CBL: variants seen among roughly 807,000 people sequenced by gnomAD.
CBL encodes the protein E3 ubiquitin-protein ligase CBL.
CBL carries 45 observed loss-of-function variants against 96.9 expected under a neutral mutation model. The ratio of observed to expected loss-of-function variants is 0.46; its 90% CI spans 0.37 to 0.60. CBL has a LOEUF of 0.60. CBL is among the 20% of genes least tolerant of loss of function. The pLI, the probability that CBL is intolerant of heterozygous loss-of-function variation, is 0.00. For missense variants in CBL, 1,024 were observed against 1,143.5 expected (o/e 0.90, Z 1.51); for synonymous variants, 420 against 426.8 (o/e 0.98, Z 0.20).
At chr11:119,220,576 G>A (rs1650368097) in intron 1 of CBL, among the ~76,000 whole-genome samples, 1 of 152,160 alleles carries the variant, frequency 6.6e-6, no homozygotes, top group African/African-American at 2.4e-5. Context: ...TCCAATGTGG[G>A]CGACAGAGTG....
intron 2 of CBL, among the ~76,000 whole-genome samples, chr11:119,251,922 A>G (rs928316217): frequency 3.3e-5 from 5 of 152,186 alleles, no homozygotes; most frequent in Admixed American, 6.5e-5. Context: ...ACAAGCCCCA[A>G]AACTGGCTAC....
At position 119,230,560 on chromosome 11, in the gene CBL, C is replaced by T. The variant is rs142193240; in HGVS notation, c.196-1888C>T. On this transcript the variant is annotated intron_variant, in intron 1 of 15. Coordinates refer to ENST00000264033, the MANE Select transcript of CBL (RefSeq NM_005188.4). ...GCTAATAGCAAGAAAACTTAGAAGA[C>T]ATAGAATTGTTATCAAGACAGTGAG... Among the ~76,000 whole-genome samples the T allele has an allele frequency of 5.5e-4, 83 of 152,288 alleles. 1 individual carries two copies. The East Asian group carries it at 0.013, about 23-fold the overall frequency.
At chr11:119,241,783 T>C (rs1949588351) in intron 2 of CBL, among the ~76,000 whole-genome samples, 2 of 152,128 alleles carry the variant, frequency 1.3e-5, no homozygotes. Flanking sequence ...GCAACATGGG[T>C]CCTGAAAAAG....
chr11:119,296,778 G>C, intron 12 of CBL, 140 bp from the exon 13 acceptor site: 1 of 666,106 alleles, frequency 1.5e-6, no homozygotes, highest in Non-Finnish European at 2.7e-6. Context: ...GTCTTGGTCA[G>C]CAGAAATAAT....
intron 12 of CBL, among the ~76,000 whole-genome samples, chr11:119,292,179 A>G (rs1219557534): frequency 2.0e-5 from 3 of 152,100 alleles, no homozygotes; most frequent in Non-Finnish European, 2.9e-5. Context: ...GACACTAACT[A>G]GAACCAAACC....
At chr11:119,260,729 C>T (rs1411417951) in intron 2 of CBL, among the ~76,000 whole-genome samples, 9 of 151,996 alleles carry the variant, frequency 5.9e-5, no homozygotes, top group Non-Finnish European at 1.2e-4. Context: ...GCCCCTGTTA[C>T]TTTTCTATCT....
In CBL at chr11:119,227,469, A is replaced by T. The variant is rs1309837895; in HGVS notation, c.196-4979A>T. Reference sequence around the variant, plus strand: ...TTTCAACTCTTAGCCTCAATGTCGCATCAGAAAAGCCTTATCTACTAGTCA... The same window carrying T: ...TTTCAACTCTTAGCCTCAATGTCGCTTCAGAAAAGCCTTATCTACTAGTCA... On this transcript the variant is annotated intron_variant, in intron 1 of 15. Transcript: ENST00000264033. 2.6e-5 allele frequency among the ~76,000 whole-genome samples: 4 copies of T among 152,118 alleles called. No individual in the cohort carries two copies. In the East Asian group the frequency reaches 7.7e-4, roughly 29 times the overall value.
At chr11:119,226,563 T>C (rs1475218852) in intron 1 of CBL, among the ~76,000 whole-genome samples, 4 of 152,058 alleles carry the variant, frequency 2.6e-5, no homozygotes, top group African/African-American at 9.7e-5. Flanking sequence ...GTTCAAGCAA[T>C]TCTCTTGCCT....
intron 2 of CBL, 26 bp from the exon 3 acceptor site, chr11:119,271,709 A>T (rs371224220): frequency 2.2e-5 from 36 of 1,603,860 alleles, no homozygotes; most frequent in Non-Finnish European, 2.8e-5. Flanking sequence ...TTATGTGTTT[A>T]ATTATTGCAT....
intron 3 of CBL, among the ~76,000 whole-genome samples, chr11:119,272,487 T>A (rs1247712707): frequency 6.6e-6 from 1 of 152,182 alleles, no homozygotes; most frequent in Non-Finnish European, 1.5e-5. Context: ...ATATCTAAGT[T>A]GTCTTCATAT....
Position 119,285,091 on chromosome 11 carries a change from T to A in CBL, c.1554T>A (p.Thr518=), listed in dbSNP as rs1029598360. 4 of 1,614,094 alleles carry A rather than the reference T, an allele frequency of 2.5e-6. No homozygotes were observed. In the African/African-American group the frequency reaches 5.3e-5, roughly 22 times the overall value. Residue 518 remains threonine, a synonymous_variant, in exon 10 of 16, where the codon ACT becomes ACA. Transcript: ENST00000264033. ...CVPSSASALG[T]ASKAASGSLH... ...CCTCAAGTGCTTCTGCTCTTGGAAC[T>A]GCTTCTAAGGTAAAGCATTTTCCAT...
chr11:119,285,517 G>A lies in CBL; in HGVS notation c.1892G>A (p.Arg631Lys). The A allele has an allele frequency of 6.2e-7, 1 of 1,614,148 alleles. No individual in the cohort carries two copies. Among genetic ancestry groups the A allele is most frequent in the Non-Finnish European group, 8.5e-7 (1 of 1,180,048 alleles). Residue 631 changes from arginine to lysine, a missense_variant, in exon 11 of 16, where the codon AGA becomes AAA. Physicochemically the swap from Arg to Lys is conservative, Grantham distance 26. This residue lies in a region of CBL where 695 missense variants were observed against 661.6 expected (regional missense o/e 1.05). Coordinates refer to ENST00000264033, the MANE Select transcript of CBL (RefSeq NM_005188.4). ...TCATTGCCCTCACAAATGGAGCCCA[G>A]ACCAGATGTGCCTAGGCTCGGAAGC... is the stretch of plus-strand genomic sequence containing the variant. ...PFSLPSQMEP[R>K]PDVPRLGSTF... is the part of the protein sequence containing the mutation.
At chr11:119,247,914 T>G (rs1205838119) in intron 2 of CBL, among the ~76,000 whole-genome samples, 1 of 152,076 alleles carries the variant, frequency 6.6e-6, no homozygotes, top group African/African-American at 2.4e-5. Flanking sequence ...TACTTAGGAA[T>G]AAAATTAAGG....
intron 6 of CBL, among the ~76,000 whole-genome samples, 168 bp downstream of exon 6, chr11:119,276,302 C>CT (rs1265543868): frequency 1.2e-4 from 18 of 152,268 alleles, no homozygotes; most frequent in African/African-American, 4.3e-4. Flanking sequence ...TTTTGTTTTT[C>CT]TTTTTTAGGG....
chr11:119,238,372 G>C (rs1949560929), intron 2 of CBL, among the ~76,000 whole-genome samples: 1 of 151,736 alleles, frequency 6.6e-6, no homozygotes, highest in Non-Finnish European at 1.5e-5. Context: ...ACAACCCCTG[G>C]CTAAGTTTTC....
rs2135244293 is a variant in CBL at position 119,206,627 on chromosome 11, G to A, written c.195+15G>A. ...TCATGGACAAGGTGAAAGGCCGGCT[G>A]AGCGCCCGCTGTTGCAGGGTGGGCG... On this transcript the variant is annotated intron_variant, in intron 1 of 15. Coordinates refer to ENST00000264033, the MANE Select transcript of CBL (RefSeq NM_005188.4). 1 of 1,545,708 alleles carries A rather than the reference G, an allele frequency of 6.5e-7. No individual in the cohort carries two copies. The highest frequency in any genetic ancestry group is 8.7e-7 in the Non-Finnish European group (1 of 1,145,236).
chr11:119,294,736 A>G (rs1950051901), intron 12 of CBL, among the ~76,000 whole-genome samples: 1 of 151,874 alleles, frequency 6.6e-6, no homozygotes, highest in South Asian at 2.1e-4. Flanking sequence ...GGTTGCAGTG[A>G]GCCTAGATCA....
chr11:119,288,101 C>A (rs1223298571), intron 12 of CBL, among the ~76,000 whole-genome samples, 155 bp downstream of exon 12: 1 of 152,024 alleles, frequency 6.6e-6, no homozygotes, highest in Non-Finnish European at 1.5e-5. Context: ...AGAGTATTTC[C>A]TTCTTTTCCT....
intron 1 of CBL, among the ~76,000 whole-genome samples, chr11:119,217,253 G>T (rs1415846790): frequency 6.6e-6 from 1 of 152,014 alleles, no homozygotes; most frequent in Non-Finnish European, 1.5e-5. Flanking sequence ...AGTAGCTGGG[G>T]TTACAGGCAT....
Sources: allele counts gnomAD v4.1 joint callset (sites outside exome capture counted in the v4.1 genomes callset), GRCh38; gene constraint gnomAD v4.1.1; regional missense constraint gnomAD v4.1.1; transcripts MANE v1.5; gene names NCBI Gene and HGNC (gene_info 2026-07-23, HGNC 2026-07-21).